Variants in PRKCA observed in about 807,000 individuals in gnomAD.
The protein encoded by PRKCA is protein kinase C alpha type.
PRKCA carries 27 observed loss-of-function variants against 87.0 expected under a neutral mutation model. The ratio of observed to expected loss-of-function variants is 0.31; its 90% CI spans 0.23 to 0.43. The LOEUF is 0.43. Among genes scored for constraint, PRKCA ranks in the 20% least tolerant of loss-of-function variants. The pLI is 1.00. For missense variants in PRKCA, 518 were observed against 852.3 expected, an observed-to-expected ratio of 0.61 and a Z score of 4.88; for synonymous variants, 329 against 311.1, an observed-to-expected ratio of 1.06 and a Z score of -0.61.
chr17:66,445,357 GA>G (rs1388749460), intron 2 of PRKCA, among the ~76,000 whole-genome samples: 3 of 152,236 alleles, frequency 2.0e-5, no homozygotes, highest in African/African-American at 7.2e-5. Flanking sequence ...GGCTGGCTGG[GA>G]ACAGCTGATC....
chr17:66,571,976 A>C (rs1287216065), intron 3 of PRKCA, among the ~76,000 whole-genome samples: 1 of 152,170 alleles, frequency 6.6e-6, no homozygotes, highest in Non-Finnish European at 1.5e-5. Flanking sequence ...ACTCCGTATA[A>C]TTCCGTCTGA....
In PRKCA at chr17:66,446,789, T is replaced by C. The variant is rs374136543; in HGVS notation, c.206-49412T>C. 2.6e-5 allele frequency among the ~76,000 whole-genome samples: 4 copies of C among 152,294 alleles called. No individual in the cohort carries two copies. In the East Asian group the frequency reaches 7.7e-4, roughly 29 times the overall value. On this transcript the variant is annotated intron_variant, in intron 2 of 16. Transcript: ENST00000413366. ...CCCTGGGCTGCAGTGGAAGAGGATCTTGGGGCCCTAGTGATCCCCTAGATC... is the reference window on the plus strand; with the variant it reads ...CCCTGGGCTGCAGTGGAAGAGGATCCTGGGGCCCTAGTGATCCCCTAGATC...
chr17:66,666,512 C>T (rs970618025), intron 5 of PRKCA, among the ~76,000 whole-genome samples: 1 of 152,174 alleles, frequency 6.6e-6, no homozygotes, highest in Admixed American at 6.5e-5. Flanking sequence ...CTCTCTCCTT[C>T]AGGGGACTTT....
At chr17:66,772,444 A>G (rs1228912473) in intron 13 of PRKCA, among the ~76,000 whole-genome samples, 2 of 152,192 alleles carry the variant, frequency 1.3e-5, no homozygotes, top group Non-Finnish European at 2.9e-5. Flanking sequence ...GAAAGTGGGC[A>G]GACATGCAGA....
At chr17:66,428,534 C>T (rs181074700) in intron 2 of PRKCA, among the ~76,000 whole-genome samples, 2 of 148,996 alleles carry the variant, frequency 1.3e-5, no homozygotes, top group Non-Finnish European at 1.5e-5. Context: ...GATAGAATCT[C>T]GCTCTGTCAC....
chr17:66,434,708 G>A (rs1029369840), intron 2 of PRKCA, among the ~76,000 whole-genome samples: 1 of 152,100 alleles, frequency 6.6e-6, no homozygotes, highest in African/African-American at 2.4e-5. Flanking sequence ...TCAAACTTTG[G>A]TTCCTCGGCT....
chr17:66,604,081 G>A (rs17759410), intron 3 of PRKCA, among the ~76,000 whole-genome samples: 17,454 of 152,050 alleles, frequency 0.11, 1,105 homozygotes, highest in Admixed American at 0.14. Flanking sequence ...ATCAGTTCCC[G>A]GCTGTCGCTC....
chr17:66,672,431 T>C (rs1000776679), intron 5 of PRKCA, among the ~76,000 whole-genome samples: 18 of 152,228 alleles, frequency 1.2e-4, no homozygotes, highest in Admixed American at 8.5e-4. Context: ...GATATGGTTT[T>C]GGTAGGATTG....
chr17:66,719,726 C>T (rs1005583604), intron 8 of PRKCA, among the ~76,000 whole-genome samples: 8 of 152,164 alleles, frequency 5.3e-5, no homozygotes, highest in South Asian at 4.1e-4. Flanking sequence ...AAGATCACAC[C>T]GCTGCACTCC....
rs141584792 is a variant in PRKCA at position 66,792,485 on chromosome 17, G to A, written c.1854+3506G>A. 2.0e-3 allele frequency among the ~76,000 whole-genome samples: 299 copies of A among 152,306 alleles called. 1 individual carries two copies. Among genetic ancestry groups the A allele is most frequent in the African/African-American group, 5.8e-3 (242 of 41,568 alleles). On this transcript the variant is annotated intron_variant, in intron 16 of 16. Coordinates refer to ENST00000413366, the MANE Select transcript of PRKCA (RefSeq NM_002737.3). The surrounding 1 kb of genome is among the most constrained non-coding windows in gnomAD (Gnocchi z 4.5). ...CCACAGAGCTTATCAGGGAATCATG[G>A]TTCCTCTAGTGTGCTGTCTTAATCC...
chr17:66,612,781 C>T (rs559602829), intron 3 of PRKCA, among the ~76,000 whole-genome samples: 12 of 150,612 alleles, frequency 8.0e-5, no homozygotes, highest in Non-Finnish European at 1.5e-4. Context: ...GAGATAAGTA[C>T]CTCATTTGTG....
chr17:66,343,837 C>T (rs562173534), intron 2 of PRKCA, among the ~76,000 whole-genome samples: 1 of 152,182 alleles, frequency 6.6e-6, no homozygotes, highest in African/African-American at 2.4e-5. Context: ...TTGTTTATGT[C>T]TGAATCATCT....
chr17:66,403,931 A>C (rs1911191830), intron 2 of PRKCA: 1 of 152,196 alleles, frequency 6.6e-6, no homozygotes, highest in Admixed American at 6.5e-5. Flanking sequence ...CAGGTTGTTG[A>C]ATTTTGTTTA....
chr17:66,707,480 A>G (rs1201210837), intron 8 of PRKCA, among the ~76,000 whole-genome samples: 1 of 152,146 alleles, frequency 6.6e-6, no homozygotes, highest in Non-Finnish European at 1.5e-5. Context: ...GGGAGAGGCC[A>G]TTTTAGAGCC....
At chr17:66,384,651 C>T (rs572694572) in intron 2 of PRKCA, among the ~76,000 whole-genome samples, 125 of 151,224 alleles carry the variant, frequency 8.3e-4, no homozygotes, top group Non-Finnish European at 1.4e-3. Flanking sequence ...TTTTTTGAGA[C>T]GGAGTCTCGC....
chr17:66,664,026 C>G (rs1206778592), intron 5 of PRKCA, among the ~76,000 whole-genome samples: 1 of 152,028 alleles, frequency 6.6e-6, no homozygotes, highest in East Asian at 1.9e-4. Context: ...TGCCACCACG[C>G]CCTGCTAATT....
intron 3 of PRKCA, among the ~76,000 whole-genome samples, chr17:66,583,146 C>T (rs1290888820): frequency 1.3e-5 from 2 of 152,038 alleles, no homozygotes. Flanking sequence ...TTTTTGTTTT[C>T]ACTCAAAACA....
chr17:66,410,860 G>A (rs1350929628), intron 2 of PRKCA, among the ~76,000 whole-genome samples: 1 of 152,158 alleles, frequency 6.6e-6, no homozygotes, highest in Non-Finnish European at 1.5e-5. Flanking sequence ...ACAGGCGTGA[G>A]CCACCTTGCC....
chr17:66,563,993 T>TCCTTCCTTCCTTCCTC (rs1968801780), intron 3 of PRKCA, among the ~76,000 whole-genome samples: 1 of 138,534 alleles, frequency 7.2e-6, no homozygotes, highest in Non-Finnish European at 1.5e-5. Context: ...CTTCCTTCCT[T>TCCTTCCTTCCTTCCTC]CCTTCCTTCC....
Sources: allele counts gnomAD v4.1 joint callset (sites outside exome capture counted in the v4.1 genomes callset), GRCh38; gene constraint gnomAD v4.1.1; non-coding constraint Gnocchi (gnomAD v3.1); transcripts MANE v1.5; gene names NCBI Gene and HGNC (gene_info 2026-07-23, HGNC 2026-07-21).